The following CIB1 variants were observed in gnomAD, a reference collection of about 807,000 sequenced individuals.
The protein encoded by CIB1 is calcium and integrin-binding protein 1.
A neutral mutation model predicts 25.0 loss-of-function variants in CIB1; 19 were observed. The observed-to-expected ratio is 0.76, with a 90% CI of 0.53 to 1.12. The LOEUF (loss-of-function observed/expected upper bound fraction) is 1.12. Ranked by LOEUF, CIB1 falls within the 50% of genes most tolerant of loss-of-function variation. The pLI is 0.00. For missense variants in CIB1, 236 were observed against 242.6 expected (o/e 0.97, Z 0.18); for synonymous variants, 104 against 98.5 (o/e 1.06, Z -0.33).
chr15:90,265,682 A>G, the CIB1 span: 1 of 1,612,342 alleles, frequency 6.2e-7, no homozygotes, highest in South Asian at 1.1e-5. Flanking sequence ...GCTGTTTCGT[A>G]GCCGACTGCT....
the CIB1 span, among the ~76,000 whole-genome samples, chr15:90,264,242 A>G: frequency 1.3e-5 from 2 of 152,122 alleles, no homozygotes; most frequent in Non-Finnish European, 2.9e-5. Flanking sequence ...CCAAGGCTGA[A>G]GTACAATGGC....
chr15:90,236,813 C>T (rs1962645323), upstream of CIB1, among the ~76,000 whole-genome samples: 1 of 151,944 alleles, frequency 6.6e-6, no homozygotes, highest in African/African-American at 2.4e-5. Flanking sequence ...TGAGCCACCA[C>T]GCCCGGCCTC....
At chr15:90,242,039 G>T in the CIB1 span, 3 of 1,609,302 alleles carry the variant, frequency 1.9e-6, no homozygotes, top group South Asian at 3.3e-5. Context: ...CAGCACTGGT[G>T]GCCCTGATGT....
At chr15:90,258,636 G>T in the CIB1 span, 1 of 969,698 alleles carries the variant, frequency 1.0e-6, no homozygotes, top group African/African-American at 1.6e-5. Context: ...CTCCCCGGCT[G>T]AGGCCATGGG....
chr15:90,262,101 C>T, the CIB1 span: 1 of 1,536,128 alleles, frequency 6.5e-7, no homozygotes, highest in South Asian at 1.2e-5. Flanking sequence ...TACCCTGGGC[C>T]TGACACAGAG....
the CIB1 span, chr15:90,241,574 T>C: frequency 1.2e-6 from 2 of 1,613,420 alleles, no homozygotes; most frequent in African/African-American, 2.7e-5. Context: ...TGCATGGCTA[T>C]TACCTGGCCC....
chr15:90,258,747 ACCACTCT>A, the CIB1 span: 2 of 1,614,124 alleles, frequency 1.2e-6, no homozygotes. Context: ...TGGCAGGTAA[ACCACTCT>A]CCAAGCTTTA....
At chr15:90,245,718 G>A in the CIB1 span, 2 of 152,116 alleles carry the variant, frequency 1.3e-5, no homozygotes, top group African/African-American at 2.4e-5. Context: ...CAGTTTCTCC[G>A]TAGGACTGAT....
intron 2 of CIB1, 197 bp from the exon 3 acceptor site, chr15:90,232,524 G>T: frequency 1.4e-6 from 1 of 726,428 alleles, no homozygotes; most frequent in South Asian, 2.9e-5. Context: ...TTCTTGCAAT[G>T]AGTATTTACT....
chr15:90,230,784 C>T (rs1018462032), intron 6 of CIB1, 150 bp downstream of exon 6: 10 of 770,090 alleles, frequency 1.3e-5, no homozygotes, highest in Non-Finnish European at 1.8e-5. Flanking sequence ...TGCCCCTGCC[C>T]GGGGCGAGAC....
chr15:90,248,092 T>G, the CIB1 span, among the ~76,000 whole-genome samples: 1 of 151,838 alleles, frequency 6.6e-6, no homozygotes, highest in Non-Finnish European at 1.5e-5. Context: ...CAAGCTGAAG[T>G]GCAGTGGCAT....
intron 2 of CIB1, among the ~76,000 whole-genome samples, chr15:90,232,929 CAA>C (rs35084096): frequency 1.5e-4 from 20 of 136,262 alleles, no homozygotes; most frequent in Middle Eastern, 3.8e-3. Flanking sequence ...GACGCTGTCT[CAA>C]AAAAAAAAAA....
At chr15:90,253,763 T>C in the CIB1 span, among the ~76,000 whole-genome samples, 1 of 152,194 alleles carries the variant, frequency 6.6e-6, no homozygotes, top group African/African-American at 2.4e-5. Flanking sequence ...ATTAGGAGAC[T>C]GCGGGGTCCT....
At chr15:90,245,036 CT>C in the CIB1 span, 1 of 152,222 alleles carries the variant, frequency 6.6e-6, no homozygotes, top group Non-Finnish European at 1.5e-5. Context: ...CTAGCCCTGG[CT>C]TAGGCCTTCA....
chr15:90,260,596 TA>T, the CIB1 span, among the ~76,000 whole-genome samples: 5 of 152,124 alleles, frequency 3.3e-5, no homozygotes, highest in African/African-American at 1.2e-4. Flanking sequence ...CTCAGGCCTG[TA>T]ATCTCAGCCC....
the CIB1 span, among the ~76,000 whole-genome samples, chr15:90,248,724 A>ATT: frequency 1.7e-5 from 1 of 57,226 alleles, no homozygotes; most frequent in Admixed American, 2.3e-4. Context: ...GTCTCAAAAA[A>ATT]AAAAAAAAAA....
Position 90,231,407 on chromosome 15 carries a change from C to A in CIB1, c.296G>T (p.Ser99Ile). Residue 99 changes from serine (S) to isoleucine (I), a missense_variant, in exon 4 of 7, where the codon AGT (serine) becomes ATT (isoleucine). Coordinates refer to ENST00000328649, the MANE Select transcript of CIB1 (RefSeq NM_006384.4). ...EDFLDLLSVF[S>I]DTATPDIKSH... is the part of the protein sequence containing the mutation. ...CTTGATGTCTGGCGTGGCTGTGTCA[C>A]TGAACACACTGAGGAGATCCAGGAA... 6.2e-7 allele frequency: 1 copy of A among 1,614,248 alleles called. No individual in the cohort carries two copies. Among genetic ancestry groups the A allele is most frequent in the South Asian group, 1.1e-5 (1 of 91,082 alleles).
chr15:90,252,559 G>GA, the CIB1 span, among the ~76,000 whole-genome samples: 228 of 151,910 alleles, frequency 1.5e-3, 2 homozygotes, highest in African/African-American at 5.3e-3. Context: ...CAACGATTAA[G>GA]AAAAAAAACA....
chr15:90,260,823 C>T, the CIB1 span, among the ~76,000 whole-genome samples: 1 of 147,364 alleles, frequency 6.8e-6, no homozygotes, highest in African/African-American at 2.6e-5. Flanking sequence ...TGCACTCCAG[C>T]CTGGGCGATA....
Sources: gnomAD v4.1 joint callset for allele counts (sites outside exome capture counted in the v4.1 genomes callset) on GRCh38, gnomAD v4.1.1 for gene constraint, MANE v1.5 for transcripts, NCBI Gene and HGNC (gene_info 2026-07-23, HGNC 2026-07-21) for gene names.